The following TTC6 variants were observed in gnomAD, a reference collection of about 807,000 sequenced individuals.
TTC6 encodes tetratricopeptide repeat protein 6.
A neutral mutation model predicts 210.4 loss-of-function variants in TTC6; 172 were observed. The ratio of observed to expected loss-of-function variants is 0.82; its 90% CI spans 0.72 to 0.93. The LOEUF (loss-of-function observed/expected upper bound fraction) is 0.93. Ranked by LOEUF, TTC6 falls within the 40% of genes least tolerant of loss-of-function variation. TTC6 has a pLI of 0.00. For missense variants in TTC6, 2,414 were observed against 2,318.1 expected (o/e 1.04, Z -0.85); for synonymous variants, 804 against 819.6 (o/e 0.98, Z 0.32).
chr14:37,798,325 T>G (rs1047096293), intron 20 of TTC6, among the ~76,000 whole-genome samples: 1 of 152,060 alleles, frequency 6.6e-6, no homozygotes, highest in Non-Finnish European at 1.5e-5. Flanking sequence ...ATTTTACATA[T>G]CCATTGCTAA....
chr14:37,735,002 A>G lies in TTC6; in HGVS notation c.1819-919A>G, dbSNP rs117343514. 2.6e-4 allele frequency among the ~76,000 whole-genome samples: 39 copies of G among 152,244 alleles called. No homozygotes were observed. The East Asian group carries it at 7.5e-3, about 29-fold the overall frequency. On this transcript the variant is annotated intron_variant, in intron 7 of 30. Transcript: ENST00000553443. ...ACAAAATGGTTTGAAAATCCCTGGT[A>G]TACCATGTAGTTTGTTTTTAAAGAA... is the stretch of plus-strand genomic sequence containing the variant.
chr14:37,692,358 T>A (rs547047511), intron 3 of TTC6, among the ~76,000 whole-genome samples: 159 of 151,686 alleles, frequency 1.0e-3, no homozygotes, highest in African/African-American at 3.3e-3. Flanking sequence ...CAAAGTGGGA[T>A]AAATCCCACT....
intron 2 of TTC6, among the ~76,000 whole-genome samples, chr14:37,608,884 G>C (rs977214283): frequency 3.9e-5 from 6 of 152,092 alleles, no homozygotes; most frequent in Non-Finnish European, 8.8e-5. Context: ...GTAGCAAGAG[G>C]ACTGGTGGGT....
chr14:37,733,437 G>T (rs12883286), intron 7 of TTC6, among the ~76,000 whole-genome samples: 63,515 of 151,782 alleles, frequency 0.42, 14,186 homozygotes, highest in Non-Finnish European at 0.5. Flanking sequence ...GAAAACCCTG[G>T]TTTTTCTTAG....
intron 1 of TTC6, among the ~76,000 whole-genome samples, chr14:37,596,944 G>A (rs2095605740): frequency 6.6e-6 from 1 of 151,714 alleles, no homozygotes; most frequent in Admixed American, 6.6e-5. Context: ...GTCAGCAGGG[G>A]AGCAGAGAGG....
chr14:37,740,120 G>A (rs1325115450), intron 10 of TTC6, among the ~76,000 whole-genome samples: 2 of 146,484 alleles, frequency 1.4e-5, no homozygotes, highest in Admixed American at 7.0e-5. Flanking sequence ...GCCGAGATGT[G>A]CCACTGCACT....
intron 1 of TTC6, among the ~76,000 whole-genome samples, chr14:37,645,537 T>A (rs2095700013): frequency 1.3e-5 from 2 of 152,212 alleles, no homozygotes; most frequent in South Asian, 4.1e-4. Context: ...AGTGATAGAA[T>A]AATGGGGAAG....
At chr14:37,720,267 G>A (rs762870621) in intron 6 of TTC6, among the ~76,000 whole-genome samples, 7 of 152,078 alleles carry the variant, frequency 4.6e-5, no homozygotes, top group Non-Finnish European at 1.0e-4. Context: ...CCTCTAGAAA[G>A]CAGTTTGGTA....
intron 5 of TTC6, among the ~76,000 whole-genome samples, chr14:37,705,382 A>G (rs918789666): frequency 1.3e-5 from 2 of 152,138 alleles, no homozygotes; most frequent in African/African-American, 2.4e-5. Context: ...ATGCAAAAAC[A>G]TGCAAGAAAA....
At chr14:37,718,882 G>T (rs1290909739) in intron 6 of TTC6, among the ~76,000 whole-genome samples, 3 of 152,108 alleles carry the variant, frequency 2.0e-5, no homozygotes, top group African/African-American at 7.2e-5. Flanking sequence ...AGGCTGCAGT[G>T]AGCCGTGATC....
chr14:37,702,315 T>C (rs1256005769), intron 5 of TTC6, among the ~76,000 whole-genome samples: 1 of 152,172 alleles, frequency 6.6e-6, no homozygotes, highest in Non-Finnish European at 1.5e-5. Flanking sequence ...ATCACCCACT[T>C]AAAGAGAATT....
chr14:37,642,364 C>A (rs1485301946), intron 1 of TTC6, among the ~76,000 whole-genome samples: 1 of 152,282 alleles, frequency 6.6e-6, no homozygotes, highest in Non-Finnish European at 1.5e-5. Flanking sequence ...GGACAATCCG[C>A]AGGTGGTGGT....
At chr14:37,712,570 C>T (rs1292605747) in intron 5 of TTC6, among the ~76,000 whole-genome samples, 1 of 152,116 alleles carries the variant, frequency 6.6e-6, no homozygotes, top group Non-Finnish European at 1.5e-5. Context: ...CACAGTTCTG[C>T]AGGGCTGATG....
intron 7 of TTC6, among the ~76,000 whole-genome samples, chr14:37,730,287 T>G (rs2095882633): frequency 6.6e-6 from 1 of 152,212 alleles, no homozygotes; most frequent in African/African-American, 2.4e-5. Context: ...GTTTTCCTTT[T>G]TAAAAAATAA....
chr14:37,841,111 C>T (rs1241830155), intron 29 of TTC6, among the ~76,000 whole-genome samples: 1 of 152,128 alleles, frequency 6.6e-6, no homozygotes, highest in African/African-American at 2.4e-5. Flanking sequence ...TCAGGTGATC[C>T]ACCCGTCTTG....
At chr14:37,762,861 CT>C (rs2095988400) in intron 14 of TTC6, among the ~76,000 whole-genome samples, 1 of 147,326 alleles carries the variant, frequency 6.8e-6, no homozygotes, top group South Asian at 2.1e-4. Context: ...CTTTCTTTTT[CT>C]TTTTCTTTTC....
chr14:37,626,132 C>T (rs1313756281), intron 1 of TTC6, among the ~76,000 whole-genome samples: 1 of 152,154 alleles, frequency 6.6e-6, no homozygotes, highest in African/African-American at 2.4e-5. Context: ...CCTCTTTTAT[C>T]CAATTGAGAA....
rs1404527412 is a variant in TTC6, at chr14:37,654,087, T to TTAATATA, written c.940-26064_940-26063insTAATATA. Among the ~76,000 whole-genome samples the TTAATATA allele has an allele frequency of 2.3e-3, 354 of 152,342 alleles. 1 individual carries two copies. Among genetic ancestry groups the TTAATATA allele is most frequent in the African/African-American group, 8.1e-3 (338 of 41,578 alleles). ...CTATAGATGCTTAATATAGTTTGTA[T>TTAATATA]GTTTGTTCATGCCCAAATCTCATAC... On this transcript the variant is annotated intron_variant, in intron 1 of 30. Transcript: ENST00000553443.
At chr14:37,807,577 G>C (rs2096121395) in intron 23 of TTC6, 117 bp downstream of exon 25, 1 of 778,652 alleles carries the variant, frequency 1.3e-6, no homozygotes, top group Non-Finnish European at 1.8e-6. Flanking sequence ...TGATATGAAG[G>C]GCAGAACTAC....
Sources: allele counts gnomAD v4.1 joint callset (sites outside exome capture counted in the v4.1 genomes callset), GRCh38; gene constraint gnomAD v4.1.1; transcripts MANE v1.5; gene names NCBI Gene and HGNC (gene_info 2026-07-23, HGNC 2026-07-21).